The following SLC35F4 variants were observed in gnomAD, a reference collection of about 807,000 sequenced individuals.
SLC35F4 encodes chromosome 14 open reading frame 36.
In SLC35F4, 24 loss-of-function variants were observed where a neutral mutation model predicts 44.2. The ratio of observed to expected loss-of-function variants is 0.54; its 90% confidence interval spans 0.39 to 0.76. The LOEUF (loss-of-function observed/expected upper bound fraction) is 0.76, where lower values mean the gene tolerates loss of function less well. Ranked by LOEUF, SLC35F4 falls within the 30% of genes least tolerant of loss-of-function variation. SLC35F4 has a pLI of 0.00. For missense variants in SLC35F4, 562 were observed against 586.1 expected (o/e 0.96, Z 0.42); for synonymous variants, 238 against 223.6 (o/e 1.06, Z -0.57).
At chr14:57,715,362 C>T (rs1277831610) in intron 1 of SLC35F4, among the ~76,000 whole-genome samples, 1 of 152,186 alleles carries the variant, frequency 6.6e-6, no homozygotes, top group East Asian at 1.9e-4. Flanking sequence ...TCAGTATCAT[C>T]TTGGCATAAT....
intron 1 of SLC35F4, among the ~76,000 whole-genome samples, chr14:57,904,843 A>C (rs1424049837): frequency 2.6e-5 from 4 of 152,166 alleles, no homozygotes; most frequent in Non-Finnish European, 5.9e-5. Flanking sequence ...ACTCTATCCC[A>C]AAAACCTATG....
chr14:57,651,220 C>T (rs745352970), intron 1 of SLC35F4, among the ~76,000 whole-genome samples: 1 of 152,178 alleles, frequency 6.6e-6, no homozygotes, highest in African/African-American at 2.4e-5. Context: ...AGTTGACTGA[C>T]TGATTAAATG....
At chr14:57,681,619 A>G (rs2074906104) in intron 1 of SLC35F4, among the ~76,000 whole-genome samples, 1 of 152,122 alleles carries the variant, frequency 6.6e-6, no homozygotes, top group Non-Finnish European at 1.5e-5. Context: ...TAAAACACCA[A>G]AAGCAATGGC....
intron 1 of SLC35F4, among the ~76,000 whole-genome samples, chr14:57,786,297 T>C: frequency 6.6e-6 from 1 of 152,128 alleles, no homozygotes; most frequent in South Asian, 2.1e-4. Flanking sequence ...CAGATATGTC[T>C]AGCCCTGCCC....
chr14:57,690,863 T>A (rs2075211531), intron 1 of SLC35F4, among the ~76,000 whole-genome samples: 1 of 152,038 alleles, frequency 6.6e-6, no homozygotes, highest in African/African-American at 2.4e-5. Flanking sequence ...GCTCAGGCAA[T>A]AATGCAAGCA....
chr14:57,791,771 A>C (rs1302900275), intron 1 of SLC35F4, among the ~76,000 whole-genome samples: 1 of 152,254 alleles, frequency 6.6e-6, no homozygotes, highest in African/African-American at 2.4e-5. Context: ...ACACCGTAGA[A>C]TACTATGCAG....
intron 1 of SLC35F4, among the ~76,000 whole-genome samples, chr14:57,878,623 C>G (rs1888453595): frequency 6.6e-6 from 1 of 152,196 alleles, no homozygotes; most frequent in Non-Finnish European, 1.5e-5. Flanking sequence ...CCTGCCTTGT[C>G]TGGGACTTTT....
At chr14:57,628,039 C>T (rs890199203) in intron 1 of SLC35F4, among the ~76,000 whole-genome samples, 30 of 152,040 alleles carry the variant, frequency 2.0e-4, no homozygotes, top group African/African-American at 5.3e-4. Flanking sequence ...CCTTTATTTC[C>T]TAAAATGCTT....
chr14:57,656,303 C>T (rs1452217199), intron 1 of SLC35F4, among the ~76,000 whole-genome samples: 1 of 150,672 alleles, frequency 6.6e-6, no homozygotes, highest in East Asian at 2.0e-4. Flanking sequence ...CCCCCCACAC[C>T]CCCCACACAC....
At chr14:57,774,682 C>T (rs548901952) in intron 1 of SLC35F4, among the ~76,000 whole-genome samples, 3 of 152,324 alleles carry the variant, frequency 2.0e-5, no homozygotes, top group African/African-American at 7.2e-5. Flanking sequence ...TGCATCATAG[C>T]TTCTGTGCTG....
At chr14:57,729,671 G>T (rs765081340) in intron 1 of SLC35F4, among the ~76,000 whole-genome samples, 2 of 152,132 alleles carry the variant, frequency 1.3e-5, no homozygotes, top group East Asian at 3.9e-4. Flanking sequence ...GCCTGGGACT[G>T]GGGGAGGGAT....
intron 1 of SLC35F4, among the ~76,000 whole-genome samples, chr14:57,615,675 T>C (rs1264635565): frequency 6.6e-6 from 1 of 152,160 alleles, no homozygotes; most frequent in Non-Finnish European, 1.5e-5. Flanking sequence ...AAGGAGTGTA[T>C]TTTTAAGAGA....
At chr14:57,788,205 C>A (rs2077816921) in intron 1 of SLC35F4, among the ~76,000 whole-genome samples, 1 of 152,160 alleles carries the variant, frequency 6.6e-6, no homozygotes, top group Non-Finnish European at 1.5e-5. Flanking sequence ...CCTTGTCCAA[C>A]AGGAAAATGC....
chr14:57,592,098 A>G (rs941994607), intron 2 of SLC35F4, among the ~76,000 whole-genome samples: 2 of 152,194 alleles, frequency 1.3e-5, no homozygotes, highest in Non-Finnish European at 2.9e-5. Flanking sequence ...ATGATTTTCT[A>G]TAGTCCTGCT....
chr14:57,581,335 A>C lies in SLC35F4; in HGVS notation c.686T>G (p.Leu229Arg). The change falls in exon 4 of 8, where the codon CTT (leucine) becomes CGT (arginine). Residue 229 changes from leucine (L) to arginine (R), a missense_variant. Leu to Arg is a moderately radical substitution (Grantham distance 102). Transcript: ENST00000556826. ...FSILWTLTNYLYLLALKKLTA... is the reference protein window; with the variant it reads ...FSILWTLTNYRYLLALKKLTA... ...CAGCTTCTTTAAAGCCAGTAAATAA[A>C]GGTAATTAGTCAAAGTCCATAGAAT... 6.2e-7 allele frequency: 1 copy of C among 1,613,658 alleles called. No individual in the cohort carries two copies. Among genetic ancestry groups the C allele is most frequent in the East Asian group, 2.2e-5 (1 of 44,870 alleles).
intron 1 of SLC35F4, among the ~76,000 whole-genome samples, chr14:57,766,172 A>G (rs1298028775): frequency 6.6e-6 from 1 of 152,220 alleles, no homozygotes; most frequent in African/African-American, 2.4e-5. Flanking sequence ...CTCACTACTC[A>G]TCAAGAGCTG....
At chr14:57,707,362 C>A (rs2075703023) in intron 1 of SLC35F4, among the ~76,000 whole-genome samples, 1 of 152,052 alleles carries the variant, frequency 6.6e-6, no homozygotes, top group Admixed American at 6.6e-5. Context: ...GCAGTTTCAC[C>A]CATGCTGTTT....
At chr14:57,681,112 C>T (rs2074887514) in intron 1 of SLC35F4, among the ~76,000 whole-genome samples, 1 of 152,106 alleles carries the variant, frequency 6.6e-6, no homozygotes, top group Non-Finnish European at 1.5e-5. Context: ...ACGCTACTGA[C>T]TTCAAACTAT....
chr14:57,939,201 T>C (rs1037215628), intron 1 of SLC35F4, among the ~76,000 whole-genome samples: 1 of 152,040 alleles, frequency 6.6e-6, no homozygotes, highest in African/African-American at 2.4e-5. Context: ...GGTTCCACAA[T>C]AGCTGAGATT....
Sources: allele counts gnomAD v4.1 joint callset (sites outside exome capture counted in the v4.1 genomes callset), GRCh38; gene constraint gnomAD v4.1.1; transcripts MANE v1.5; gene names NCBI Gene and HGNC (gene_info 2026-07-23, HGNC 2026-07-21).